TPTE2: variants seen among roughly 807,000 people sequenced by gnomAD.
TPTE2 encodes transmembrane phosphoinositide 3-phosphatase and tensin homolog 2.
Under a neutral mutation model 78.6 loss-of-function variants are expected in TPTE2, and 53 were observed. The ratio of observed to expected loss-of-function variants is 0.67; its 90% CI spans 0.54 to 0.85. The LOEUF (loss-of-function observed/expected upper bound fraction) is 0.85. TPTE2 is among the 40% of genes least tolerant of loss of function. The probability of loss-of-function intolerance (pLI) is 0.00; values close to 1 mark genes in which losing one functional copy is unlikely to be tolerated. For missense variants in TPTE2, 461 were observed against 623.0 expected (o/e 0.74, Z 2.77); for synonymous variants, 175 against 206.2 (o/e 0.85, Z 1.30).
At chr13:19,461,580 C>T (rs533229958) in intron 10 of TPTE2, among the ~76,000 whole-genome samples, 107 of 152,136 alleles carry the variant, frequency 7.0e-4, no homozygotes, top group Admixed American at 2.2e-3. Context: ...ATGATCTGTC[C>T]GGTGGTAAGA....
rs1490346249 is a variant in TPTE2 at position 19,497,354 on chromosome 13, GACAA to G, written c.12-3857_12-3854del. On this transcript the variant is annotated intron_variant, in intron 1 of 19. Transcript: ENST00000400230. ...GCTCCACCTCTGGGGGCAGGGCACA[GACAA>G]ACAAAAAGACAGCAGTAACCTCTGC... Among the ~76,000 whole-genome samples the G allele has an allele frequency of 5.1e-5, 7 of 136,568 alleles. 1 individual carries two copies. Among genetic ancestry groups the G allele is most frequent in the African/African-American group, 1.5e-4 (6 of 39,098 alleles). The allele number at this position is 136,568 out of a possible 152,430, so 89.6% of individuals were successfully genotyped here.
intron 1 of TPTE2, among the ~76,000 whole-genome samples, chr13:19,532,449 C>T (rs1870945611): frequency 6.6e-6 from 1 of 152,172 alleles, no homozygotes; most frequent in Non-Finnish European, 1.5e-5. Context: ...CTCAAGGATG[C>T]AACAGTCAAG....
the TPTE2 span, among the ~76,000 whole-genome samples, chr13:19,559,104 C>T: frequency 6.6e-6 from 1 of 152,280 alleles, no homozygotes; most frequent in East Asian, 1.9e-4. Context: ...GTGTTTAAAT[C>T]ATGAATGTCT....
At chr13:19,451,064 A>C in intron 11 of TPTE2, 101 bp downstream of exon 14, 2 of 1,422,106 alleles carry the variant, frequency 1.4e-6, no homozygotes, top group Non-Finnish European at 1.9e-6. Flanking sequence ...GCCACTACCA[A>C]ATACTTATGA....
At chr13:19,468,198 AC>A (rs1222876588) in intron 6 of TPTE2, among the ~76,000 whole-genome samples, 13 of 150,694 alleles carry the variant, frequency 8.6e-5, no homozygotes, top group Middle Eastern at 6.8e-3. Flanking sequence ...CCGACACCAC[AC>A]CCAGCTAATT....
At chr13:19,480,078 C>T (rs1346598060) in intron 4 of TPTE2, among the ~76,000 whole-genome samples, 1 of 61,986 alleles carries the variant, frequency 1.6e-5, no homozygotes, top group Non-Finnish European at 5.4e-5. Flanking sequence ...GAACATGACT[C>T]ATTTTTTATC....
chr13:19,462,053 T>G (rs1394788944), intron 10 of TPTE2, among the ~76,000 whole-genome samples: 1 of 152,014 alleles, frequency 6.6e-6, no homozygotes, highest in Non-Finnish European at 1.5e-5. Context: ...GTCATTTTGT[T>G]CATTTTTTTC....
chr13:19,506,159 T>G (rs1869005165), upstream of TPTE2, among the ~76,000 whole-genome samples: 1 of 96,186 alleles, frequency 1.0e-5, no homozygotes, highest in Non-Finnish European at 2.1e-5. Flanking sequence ...TGTATATAAA[T>G]CTTTTTTTTT....
At chr13:19,423,200 G>C in intron 19 of TPTE2, 36 bp from the exon 23 acceptor site, 1 of 1,541,380 alleles carries the variant, frequency 6.5e-7, no homozygotes, top group East Asian at 2.4e-5. Context: ...TTTTATATTG[G>C]GGCTCACCAA....
intron 13 of TPTE2, among the ~76,000 whole-genome samples, chr13:19,439,574 T>C (rs1179904488): frequency 1.3e-5 from 2 of 152,196 alleles, no homozygotes. Flanking sequence ...GTAGTGACAC[T>C]ACCAAAGGAT....
intron 13 of TPTE2, among the ~76,000 whole-genome samples, chr13:19,441,482 TAA>T (rs1345282049): frequency 2.0e-5 from 3 of 152,034 alleles, no homozygotes; most frequent in Non-Finnish European, 4.4e-5. Flanking sequence ...AAACAAATAA[TAA>T]AAAATACAAG....
At chr13:19,456,803 T>C (rs1238123510) in intron 10 of TPTE2, among the ~76,000 whole-genome samples, 1 of 152,158 alleles carries the variant, frequency 6.6e-6, no homozygotes, top group Non-Finnish European at 1.5e-5. Context: ...AGTGTGTGTG[T>C]GTGTATGTAA....
chr13:19,502,306 C>A (rs1348366830), intron 1 of TPTE2, among the ~76,000 whole-genome samples: 4 of 150,150 alleles, frequency 2.7e-5, no homozygotes, highest in African/African-American at 7.4e-5. Flanking sequence ...GGGTATATAC[C>A]CAAAGGACTA....
At chr13:19,523,858 T>A (rs116705080) in intron 1 of TPTE2, among the ~76,000 whole-genome samples, 3,867 of 152,114 alleles carry the variant, frequency 0.025, 131 homozygotes, top group African/African-American at 0.075. Context: ...AATCTAGAGG[T>A]GAAACTAAAG....
At chr13:19,476,576 AAAG>A (rs772158403) in intron 4 of TPTE2, among the ~76,000 whole-genome samples, 29 of 152,134 alleles carry the variant, frequency 1.9e-4, no homozygotes, top group Non-Finnish European at 5.9e-5. Context: ...ACATTTCTCA[AAAG>A]AAGACATGCA....
chr13:19,436,704 C>A (rs1260667570), intron 14 of TPTE2, among the ~76,000 whole-genome samples: 1 of 152,104 alleles, frequency 6.6e-6, no homozygotes, highest in Non-Finnish European at 1.5e-5. Context: ...CATGAGCCAC[C>A]CATGCCCGGC....
chr13:19,553,710 G>A, the TPTE2 span, among the ~76,000 whole-genome samples: 3 of 152,208 alleles, frequency 2.0e-5, no homozygotes, highest in Admixed American at 6.5e-5. Context: ...TACATACTGT[G>A]TGATTTCAGT....
chr13:19,472,389 GC>G (rs1314925209), intron 6 of TPTE2, among the ~76,000 whole-genome samples: 1 of 152,020 alleles, frequency 6.6e-6, no homozygotes, highest in African/African-American at 2.4e-5. Flanking sequence ...TTTTGAAATA[GC>G]CTGTCTTCAA....
At chr13:19,449,856 C>A (rs1878064730) in intron 13 of TPTE2, among the ~76,000 whole-genome samples, 1 of 152,234 alleles carries the variant, frequency 6.6e-6, no homozygotes, top group East Asian at 1.9e-4. Context: ...TTCCTTAGTT[C>A]TTTTTTCCTA....
Sources: gnomAD v4.1 joint callset for allele counts (sites outside exome capture counted in the v4.1 genomes callset) on GRCh38, gnomAD v4.1.1 for gene constraint, MANE v1.5 for transcripts, NCBI Gene and HGNC (gene_info 2026-07-23, HGNC 2026-07-21) for gene names.